The following RBBP4 variants were observed in gnomAD, a reference collection of about 807,000 sequenced individuals.
RBBP4 encodes histone-binding protein RBBP4.
In RBBP4, 3 loss-of-function variants were observed where a neutral mutation model predicts 57.2. The ratio of observed to expected loss-of-function variants is 0.05; its 90% CI spans 0.02 to 0.14. The LOEUF (loss-of-function observed/expected upper bound fraction) is 0.14. Ranked by LOEUF, RBBP4 falls within the 10% of genes least tolerant of loss-of-function variation. The pLI is 1.00. For synonymous variants in RBBP4, 151 were observed against 171.5 expected, an observed-to-expected ratio of 0.88 and a Z score of 0.93; for missense variants, 107 against 520.6, an observed-to-expected ratio of 0.21 and a Z score of 7.73.
intron 8 of RBBP4, among the ~76,000 whole-genome samples, chr1:32,671,554 C>G (rs1179096358): frequency 1.3e-5 from 2 of 151,858 alleles, no homozygotes; most frequent in African/African-American, 4.8e-5. Flanking sequence ...CAAGAACAGA[C>G]AAGATGTGAT....
In RBBP4 at chr1:32,669,027, C is replaced by T; in HGVS notation, c.656C>T (p.Ala219Val). The T allele has an allele frequency of 1.2e-6, 2 of 1,613,904 alleles. No individual in the cohort carries two copies. The highest frequency in any genetic ancestry group is 8.5e-7 in the Non-Finnish European group (1 of 1,179,964). Residue 219 changes from alanine (A) to valine (V), a missense_variant, in exon 6 of 12, where the codon GCG (alanine) becomes GTG (valine). Coordinates refer to ENST00000373493, the MANE Select transcript of RBBP4 (RefSeq NM_005610.3). This position sits in a 1 kb window ranked among gnomAD's most constrained non-coding sequence, Gnocchi z 4.9. ...CCAAAGGAGGGAAAAGTGGTAGATG[C>T]GAAGACCATCTTTACAGGGCATACG... ...AVPKEGKVVD[A>V]KTIFTGHTAV...
At chr1:32,652,555 T>C (rs1647859053) in intron 2 of RBBP4, 1 of 153,348 alleles carries the variant, frequency 6.5e-6, no homozygotes, top group African/African-American at 2.4e-5. Flanking sequence ...TTGTTTTTCT[T>C]TTTGAGACGG....
chr1:32,652,697 A>C (rs551314300), intron 2 of RBBP4, among the ~76,000 whole-genome samples: 212 of 152,064 alleles, frequency 1.4e-3, no homozygotes, highest in African/African-American at 4.9e-3. Context: ...ACCTGCCACC[A>C]CGCCTGGCTA....
chr1:32,659,247 C>G (rs1179563337), intron 3 of RBBP4, among the ~76,000 whole-genome samples: 1 of 151,342 alleles, frequency 6.6e-6, no homozygotes, highest in East Asian at 1.9e-4. Context: ...GTAAAAAACG[C>G]ACCCCTTCTC....
intron 8 of RBBP4, among the ~76,000 whole-genome samples, chr1:32,670,484 C>T (rs1357974000): frequency 1.3e-5 from 2 of 152,044 alleles, no homozygotes; most frequent in Non-Finnish European, 2.9e-5. Context: ...ATAATCACTG[C>T]ACTATGTTCA....
intron 11 of RBBP4, among the ~76,000 whole-genome samples, chr1:32,673,816 C>T (rs1339473742): frequency 6.6e-6 from 1 of 152,078 alleles, no homozygotes; most frequent in Non-Finnish European, 1.5e-5. Context: ...TAGTTATATT[C>T]GGCCGAGCAC....
At chr1:32,678,894 G>A (rs111457079) in intron 11 of RBBP4, among the ~76,000 whole-genome samples, 7 of 151,494 alleles carry the variant, frequency 4.6e-5, no homozygotes, top group African/African-American at 1.7e-4. Flanking sequence ...TGGCCTGACT[G>A]GCTTTTTTAT....
At chr1:32,654,955 A>G in intron 2 of RBBP4, among the ~76,000 whole-genome samples, 1 of 152,114 alleles carries the variant, frequency 6.6e-6, no homozygotes, top group South Asian at 2.1e-4. Context: ...TCGGCCTCCC[A>G]AAGTGCTGGG....
At position 32,672,530 on chromosome 1, in the gene RBBP4, A is replaced by G. The variant is rs368946800; in HGVS notation, c.1043+4A>G. The G allele has an allele frequency of 6.2e-7, 1 of 1,603,788 alleles. No individual in the cohort carries two copies. The highest frequency in any genetic ancestry group is 1.3e-5 in the African/African-American group (1 of 74,638). On this transcript the variant is annotated splice_donor_region_variant and intron_variant, in intron 9 of 11. Transcript: ENST00000373493. ...GACTGAATGTCTGGGATTTAAGGTA[A>G]TTCTTGTATTCATTCCTCTCTCTAC...
intron 11 of RBBP4, among the ~76,000 whole-genome samples, chr1:32,677,480 A>AC (rs869225801): frequency 2.3e-4 from 28 of 121,794 alleles, no homozygotes; most frequent in African/African-American, 5.0e-4. Flanking sequence ...TAAAAAAAAA[A>AC]ACAAAACAAA....
At position 32,683,568 on chromosome 1, in the gene RBBP4, C is replaced by T. The variant is rs77721490; in HGVS notation, c.*3863C>T. 0.039 allele frequency: 5,917 copies of T among 153,584 alleles called. 233 individuals are homozygous for T. The highest frequency in any genetic ancestry group is 0.12 in the East Asian group (602 of 5,198). The allele number at this position is 153,584 out of a possible 1,614,324, so 9.5% of individuals were successfully genotyped here. A position where few individuals can be genotyped will look rare whatever the true frequency, so the allele number is the denominator to read the frequency against. ...ATGAACTCTGAATGCCTGACTCAGG[C>T]GTTTTGGAGGTTTGGGTTATCCCCT... On this transcript the variant is annotated 3_prime_UTR_variant, in exon 12 of 12. Transcript: ENST00000373493.
Position 32,682,054 on chromosome 1 carries a change from T to G in RBBP4, c.*2349T>G. 5 of 558,808 alleles carry G rather than the reference T, an allele frequency of 8.9e-6. No homozygotes were observed. Among genetic ancestry groups the G allele is most frequent in the Non-Finnish European group, 9.6e-6 (3 of 312,656 alleles). 34.6% of individuals were successfully genotyped at this position (558,808 alleles called of 1,614,324 possible). A position where few individuals can be genotyped will look rare whatever the true frequency, so the allele number is the denominator to read the frequency against. On this transcript the variant is annotated 3_prime_UTR_variant, in exon 12 of 12. Coordinates refer to ENST00000373493, the MANE Select transcript of RBBP4 (RefSeq NM_005610.3). ...GTGATGGGAGGGATAGTTAAACGTT[T>G]TCTCTGCTAGGTTAACTTCTTACAG... is the stretch of plus-strand genomic sequence containing the variant.
intron 1 of RBBP4, 101 bp from the exon 2 acceptor site, chr1:32,651,813 C>G (rs550829330): frequency 7.5e-7 from 1 of 1,330,150 alleles, no homozygotes; most frequent in African/African-American, 1.5e-5. Context: ...CAAATCACCT[C>G]CATTTCATGG....
Position 32,669,714 on chromosome 1 carries a change from C to T in RBBP4, c.966+151C>T. 7.8e-7 allele frequency: 1 copy of T among 1,285,108 alleles called. No individual in the cohort carries two copies. Among genetic ancestry groups the T allele is most frequent in the Non-Finnish European group, 1.0e-6 (1 of 1,001,412 alleles). 79.6% of individuals were successfully genotyped at this position (1,285,108 alleles called of 1,614,324 possible). A position where few individuals can be genotyped will look rare whatever the true frequency, so the allele number is the denominator to read the frequency against. ...GACCATCCTGGCTAACACGGTGAAA[C>T]CCTGTCTCTACTAAAAATATAAAAA... is the stretch of plus-strand genomic sequence containing the variant. On this transcript the variant is annotated intron_variant, in intron 8 of 11. Coordinates refer to ENST00000373493, the MANE Select transcript of RBBP4 (RefSeq NM_005610.3). This position sits in a 1 kb window ranked among gnomAD's most constrained non-coding sequence, Gnocchi z 4.9.
intron 3 of RBBP4, among the ~76,000 whole-genome samples, chr1:32,660,757 A>G (rs1397962410): frequency 6.6e-6 from 1 of 151,942 alleles, no homozygotes; most frequent in Non-Finnish European, 1.5e-5. Context: ...AACTTTTGTC[A>G]TTCTGGTATT....
chr1:32,672,006 TTTTG>T (rs1025978979), intron 8 of RBBP4, among the ~76,000 whole-genome samples: 14 of 152,016 alleles, frequency 9.2e-5, no homozygotes, highest in African/African-American at 3.1e-4. Flanking sequence ...TTGTTTTTCT[TTTTG>T]TTTGTTTTTG....
chr1:32,662,938 C>G (rs967079173), intron 3 of RBBP4, among the ~76,000 whole-genome samples: 2 of 151,912 alleles, frequency 1.3e-5, no homozygotes, highest in Non-Finnish European at 2.9e-5. Context: ...GAGCCGAGAT[C>G]GTGCTACTAC....
At chr1:32,655,201 T>C (rs12405635) in intron 2 of RBBP4, among the ~76,000 whole-genome samples, 5,863 of 152,140 alleles carry the variant, frequency 0.039, 230 homozygotes, top group East Asian at 0.11. Context: ...GTTCTTTAAC[T>C]TCTGGGCTCC....
chr1:32,684,443 C>T lies in RBBP4; in HGVS notation c.*4738C>T, dbSNP rs188459947. ...AAACAATAAAAACTCACATTGTCCACTCTTACTTATAAAACACTTTTTTGT... is the reference window on the plus strand; with the variant it reads ...AAACAATAAAAACTCACATTGTCCATTCTTACTTATAAAACACTTTTTTGT... On this transcript the variant is annotated 3_prime_UTR_variant, in exon 12 of 12. Coordinates refer to ENST00000373493, the MANE Select transcript of RBBP4 (RefSeq NM_005610.3). 1 of 1,608,028 alleles carries T rather than the reference C, an allele frequency of 6.2e-7. No homozygotes were observed. Among genetic ancestry groups the T allele is most frequent in the East Asian group, 2.2e-5 (1 of 44,800 alleles).
Sources: allele counts gnomAD v4.1 joint callset (sites outside exome capture counted in the v4.1 genomes callset), GRCh38; gene constraint gnomAD v4.1.1; non-coding constraint Gnocchi (gnomAD v3.1); transcripts MANE v1.5; gene names NCBI Gene and HGNC (gene_info 2026-07-23, HGNC 2026-07-21).